The following PPM1B variants were observed in gnomAD, a reference collection of about 807,000 sequenced individuals.
PPM1B encodes the protein protein phosphatase, Mg2+/Mn2+ dependent 1B.
A neutral mutation model predicts 43.0 loss-of-function variants in PPM1B; 22 were observed. That is an observed-to-expected ratio of 0.51 (90% CI 0.37 to 0.73). PPM1B has a LOEUF of 0.73. Among genes scored for constraint, PPM1B ranks in the 30% least tolerant of loss-of-function variants. The probability of loss-of-function intolerance (pLI) is 0.00; values close to 1 mark genes in which losing one functional copy is unlikely to be tolerated. For synonymous variants in PPM1B, 217 were observed against 197.9 expected (o/e 1.10, Z -0.81); for missense variants, 632 against 584.2 (o/e 1.08, Z -0.84).
chr2:44,174,577 C>G (rs948546491), intron 1 of PPM1B, among the ~76,000 whole-genome samples: 1 of 152,126 alleles, frequency 6.6e-6, no homozygotes, highest in Non-Finnish European at 1.5e-5. Context: ...CAGGTAGATT[C>G]AAACGTATAA....
chr2:44,214,870 A>T (rs888494440), intron 3 of PPM1B, among the ~76,000 whole-genome samples: 17 of 152,332 alleles, frequency 1.1e-4, no homozygotes, highest in African/African-American at 4.1e-4. Flanking sequence ...AAAATAAATG[A>T]GAATTATGTT....
At chr2:44,223,326 T>G (rs542235652) in intron 5 of PPM1B, among the ~76,000 whole-genome samples, 18 of 152,334 alleles carry the variant, frequency 1.2e-4, no homozygotes, top group African/African-American at 4.1e-4. Context: ...CCCAAAAGAA[T>G]CTCTGTATTG....
chr2:44,234,727 T>C (rs1572764818), downstream of PPM1B: 3 of 505,104 alleles, frequency 5.9e-6, no homozygotes, highest in South Asian at 1.7e-4. Context: ...CAGTGAACTT[T>C]TGCTTTTGTG....
At position 44,209,192 on chromosome 2, in the gene PPM1B, TTTTTC is replaced by T; in HGVS notation, c.847-14_847-10del. 5.2e-6 allele frequency: 8 copies of T among 1,545,072 alleles called. No homozygotes were observed. The highest frequency in any genetic ancestry group is 7.0e-6 in the Non-Finnish European group (8 of 1,146,520). ...TGTAGAAATACAATTTTTTTTCTTT[TTTTTC>T]TTTAATACACAGGGAAGTCGAGATA... is the stretch of plus-strand genomic sequence containing the variant. On this transcript the variant is annotated splice_polypyrimidine_tract_variant and intron_variant, in intron 2 of 5. Coordinates refer to ENST00000282412, the MANE Select transcript of PPM1B (RefSeq NM_002706.6).
intron 3 of PPM1B, among the ~76,000 whole-genome samples, chr2:44,212,680 C>T (rs1572732339): frequency 6.6e-6 from 1 of 151,816 alleles, no homozygotes; most frequent in Non-Finnish European, 1.5e-5. Context: ...CCAGTTCATC[C>T]TAGGATTTGC....
downstream of PPM1B, among the ~76,000 whole-genome samples, chr2:44,237,829 C>T (rs1019656426): frequency 2.0e-5 from 3 of 150,874 alleles, no homozygotes; most frequent in Non-Finnish European, 3.0e-5. Flanking sequence ...TTTACACTTA[C>T]TTTTTTGGGC....
At chr2:44,184,514 A>G (rs759575459) in intron 1 of PPM1B, among the ~76,000 whole-genome samples, 2 of 152,140 alleles carry the variant, frequency 1.3e-5, no homozygotes, top group Non-Finnish European at 2.9e-5. Flanking sequence ...GTGGAGATTT[A>G]ATTATCATAT....
downstream of PPM1B, chr2:44,232,782 T>C (rs1670504911): frequency 2.0e-6 from 2 of 986,416 alleles, no homozygotes; most frequent in Non-Finnish European, 2.4e-6. Flanking sequence ...TTCACCAAGT[T>C]GGAAGCCTTT....
At chr2:44,225,332 T>G (rs573791746) in intron 5 of PPM1B, among the ~76,000 whole-genome samples, 1 of 152,256 alleles carries the variant, frequency 6.6e-6, no homozygotes, top group African/African-American at 2.4e-5. Context: ...TGTGTAAAAA[T>G]AGGTGTGCTA....
At chr2:44,192,542 CT>C (rs1183320636) in intron 1 of PPM1B, among the ~76,000 whole-genome samples, 3 of 152,080 alleles carry the variant, frequency 2.0e-5, no homozygotes, top group Admixed American at 6.6e-5. Context: ...AAAATGTTTT[CT>C]TTAACTTGAC....
intron 1 of PPM1B, among the ~76,000 whole-genome samples, chr2:44,189,621 G>A (rs892571323): frequency 3.9e-5 from 6 of 151,950 alleles, no homozygotes; most frequent in African/African-American, 1.5e-4. Context: ...CTGCCACCAC[G>A]CCTGGCTAAT....
chr2:44,183,298 T>C (rs1456752604), intron 1 of PPM1B, among the ~76,000 whole-genome samples: 1 of 152,260 alleles, frequency 6.6e-6, no homozygotes, highest in Non-Finnish European at 1.5e-5. Flanking sequence ...TGTGTTGTAT[T>C]ACTTGCCAAG....
At chr2:44,217,804 A>C in intron 3 of PPM1B, 163 bp from the exon 4 acceptor site, 1 of 430,306 alleles carries the variant, frequency 2.3e-6, no homozygotes, top group Non-Finnish European at 4.2e-6. Context: ...TTCAGTCAAT[A>C]AGTAGCTTTT....
intron 3 of PPM1B, among the ~76,000 whole-genome samples, chr2:44,210,790 T>TAA (rs1378055534): frequency 6.6e-6 from 1 of 152,128 alleles, no homozygotes; most frequent in African/African-American, 2.4e-5. Flanking sequence ...ATATCAGTAC[T>TAA]ACTTAATAAA....
chr2:44,174,589 A>G (rs1457291643), intron 1 of PPM1B, among the ~76,000 whole-genome samples: 1 of 152,280 alleles, frequency 6.6e-6, no homozygotes, highest in Non-Finnish European at 1.5e-5. Context: ...AACGTATAAT[A>G]TACAAGAAAA....
chr2:44,244,661 A>G (rs996006905), downstream of PPM1B, among the ~76,000 whole-genome samples: 1 of 151,978 alleles, frequency 6.6e-6, no homozygotes, highest in Non-Finnish European at 1.5e-5. Context: ...TATCATTCCC[A>G]GATCTCTTCT....
chr2:44,208,382 C>G (rs946070440), intron 2 of PPM1B, among the ~76,000 whole-genome samples: 10 of 151,972 alleles, frequency 6.6e-5, no homozygotes, highest in African/African-American at 2.4e-4. Context: ...AGTTACAGTC[C>G]CCCCTGTTAC....
intron 1 of PPM1B, among the ~76,000 whole-genome samples, chr2:44,188,838 C>T (rs569106417): frequency 1.0e-3 from 157 of 150,600 alleles, no homozygotes; most frequent in Middle Eastern, 6.8e-3. Flanking sequence ...CTCCCCCTCC[C>T]GCTCTTTTCT....
At chr2:44,235,282 A>T (rs1670579045), downstream of PPM1B, among the ~76,000 whole-genome samples, 1 of 152,350 alleles carries the variant, frequency 6.6e-6, no homozygotes, top group Non-Finnish European at 1.5e-5. Flanking sequence ...TCTTCTAAAT[A>T]TTGATCCGTT....
Sources: gnomAD v4.1 joint callset for allele counts (sites outside exome capture counted in the v4.1 genomes callset) on GRCh38, gnomAD v4.1.1 for gene constraint, MANE v1.5 for transcripts, NCBI Gene and HGNC (gene_info 2026-07-23, HGNC 2026-07-21) for gene names.